SMN2: variants seen among roughly 807,000 people sequenced by gnomAD.
SMN2 encodes survival motor neuron protein.
In SMN2, 1 loss-of-function variant was observed where a neutral mutation model predicts 2.8. That is an observed-to-expected ratio of 0.35 (90% confidence interval 0.13 to 1.68). SMN2 has a LOEUF of 1.68. SMN2 is among the 40% of genes most tolerant of loss of function. SMN2 has a pLI of 0.35. For missense variants in SMN2, 12 were observed against 16.9 expected, an observed-to-expected ratio of 0.71 and a Z score of 0.51; for synonymous variants, 5 against 5.0, an observed-to-expected ratio of 0.99 and a Z score of 0.01.
At chr5:70,081,937 TGC>T (rs1561420844), downstream of SMN2, among the ~76,000 whole-genome samples, 2 of 99,752 alleles carry the variant, frequency 2.0e-5, no homozygotes, top group African/African-American at 1.0e-4. Flanking sequence ...CCCTGTCTTG[TGC>T]GTGTTTTCAA....
At chr5:70,081,818 T>A (rs1461002466), downstream of SMN2, among the ~76,000 whole-genome samples, 1 of 60,148 alleles carries the variant, frequency 1.7e-5, no homozygotes, top group Non-Finnish European at 2.9e-5. Context: ...ACAGGGACAA[T>A]TTGGCTTCCT....
chr5:70,082,118 A>C (rs1276438616), downstream of SMN2, among the ~76,000 whole-genome samples: 1 of 133,210 alleles, frequency 7.5e-6, no homozygotes, highest in African/African-American at 3.3e-5. Context: ...CTATTGAGAT[A>C]ATCATGTGGT....
At chr5:70,083,378 G>C (rs1742061661), downstream of SMN2, among the ~76,000 whole-genome samples, 2 of 136,802 alleles carry the variant, frequency 1.5e-5, 1 homozygote, top group South Asian at 4.5e-4. Context: ...TTCAACCACT[G>C]TGGAAGTCAG....
intron 7 of SMN2, chr5:70,071,088 C>CT (rs1164147978): frequency 7.2e-3 from 376 of 51,960 alleles, no homozygotes; most frequent in South Asian, 0.013. Context: ...AAATGAAATT[C>CT]TTTTTTTTTT....
chr5:70,084,267 A>G, the SMN2 span, among the ~76,000 whole-genome samples: 2 of 74,868 alleles, frequency 2.7e-5, no homozygotes, highest in Non-Finnish European at 4.9e-5. Flanking sequence ...GCTCACCGCA[A>G]CCTCCGCCTC....
chr5:70,083,442 C>T (rs1742062575), downstream of SMN2, among the ~76,000 whole-genome samples: 2 of 135,908 alleles, frequency 1.5e-5, 1 homozygote, highest in Non-Finnish European at 3.1e-5. Flanking sequence ...CCCAGCCATC[C>T]CATTACTGGG....
downstream of SMN2, among the ~76,000 whole-genome samples, chr5:70,079,459 C>T (rs1432364763): frequency 2.6e-4 from 39 of 147,242 alleles, no homozygotes; most frequent in East Asian, 7.7e-3. Context: ...AAACACGTTA[C>T]TAAGAGCAAC....
At chr5:70,084,188 GTTTT>G in the SMN2 span, among the ~76,000 whole-genome samples, 1 of 50,722 alleles carries the variant, frequency 2.0e-5, no homozygotes, top group Non-Finnish European at 3.4e-5. Flanking sequence ...CATTTAAATT[GTTTT>G]TTTTTTTTTT....
intron 7 of SMN2, among the ~76,000 whole-genome samples, chr5:70,075,032 GTTTA>G (rs944671669): frequency 8.1e-6 from 1 of 122,904 alleles, no homozygotes; most frequent in Non-Finnish European, 1.7e-5. Context: ...AAATTAATTA[GTTTA>G]TTTATTTTTT....
At chr5:70,088,400 A>G in the SMN2 span, among the ~76,000 whole-genome samples, 3 of 103,742 alleles carry the variant, frequency 2.9e-5, no homozygotes, top group Non-Finnish European at 5.6e-5. Context: ...AGAAGAAGAC[A>G]GGAAAATGAG....
downstream of SMN2, among the ~76,000 whole-genome samples, chr5:70,079,291 G>A (rs1335934861): frequency 7.6e-5 from 11 of 145,480 alleles, no homozygotes; most frequent in Admixed American, 1.3e-4. Context: ...AAATTAGCCC[G>A]GCATGGTGGC....
At chr5:70,079,946 C>T (rs1374291646), downstream of SMN2, among the ~76,000 whole-genome samples, 1 of 107,282 alleles carries the variant, frequency 9.3e-6, no homozygotes, top group Non-Finnish European at 1.8e-5. Context: ...ATCACCATGC[C>T]CAGCCCTTCT....
intron 7 of SMN2, among the ~76,000 whole-genome samples, chr5:70,074,933 G>T (rs1256958773): frequency 2.4e-5 from 3 of 126,250 alleles, no homozygotes; most frequent in Non-Finnish European, 5.0e-5. Context: ...CGGAGGTTGC[G>T]GTGAGCCAAG....
At chr5:70,070,328 T>TC (rs1335474484) in intron 6 of SMN2, among the ~76,000 whole-genome samples, 1 of 28,710 alleles carries the variant, frequency 3.5e-5, no homozygotes, top group African/African-American at 1.9e-4. Context: ...TTGTTGGTCT[T>TC]TTGTTGTTAT....
chr5:70,070,874 T>TA, intron 7 of SMN2, 123 bp downstream of exon 7: 1 of 41,580 alleles, frequency 2.4e-5, no homozygotes, highest in African/African-American at 1.0e-4. Flanking sequence ...AATAAAAAAA[T>TA]ACAACTGTCT....
At chr5:70,079,003 G>A (rs1353210576), downstream of SMN2, among the ~76,000 whole-genome samples, 5 of 5,974 alleles carry the variant, frequency 8.4e-4, no homozygotes, top group African/African-American at 4.4e-3. Context: ...CACCTGCCTC[G>A]GCCTCCCAAA....
the SMN2 span, among the ~76,000 whole-genome samples, chr5:70,084,734 C>T: frequency 1.7e-4 from 24 of 137,868 alleles, 4 homozygotes; most frequent in South Asian, 3.1e-3. Context: ...ATATGGTCTT[C>T]CCATTACCAT....
intron 7 of SMN2, among the ~76,000 whole-genome samples, chr5:70,074,818 C>T (rs1774693062): frequency 8.2e-6 from 1 of 121,746 alleles, no homozygotes; most frequent in African/African-American, 3.3e-5. Context: ...CATGGAGAAA[C>T]CCTGTCTCTA....
chr5:70,079,692 G>C (rs1203286761), downstream of SMN2, among the ~76,000 whole-genome samples: 2 of 137,918 alleles, frequency 1.5e-5, no homozygotes, highest in Non-Finnish European at 3.1e-5. Context: ...AGGAGGTTGA[G>C]GCTGTGTAAT....
Sources: gnomAD v4.1 joint callset for allele counts (sites outside exome capture counted in the v4.1 genomes callset) on GRCh38, gnomAD v4.1.1 for gene constraint, MANE v1.5 for transcripts, NCBI Gene and HGNC (gene_info 2026-07-23, HGNC 2026-07-21) for gene names.